EYS: variants seen among roughly 807,000 people sequenced by gnomAD.
EYS encodes protein eyes shut homolog.
A neutral mutation model predicts 282.1 loss-of-function variants in EYS; 250 were observed. The observed-to-expected ratio is 0.89, with a 90% CI of 0.80 to 0.98. The LOEUF is 0.98. Among genes scored for constraint, EYS ranks in the 50% least tolerant of loss-of-function variants. The pLI, the probability that EYS is intolerant of heterozygous loss-of-function variation, is 0.00. For synonymous variants in EYS, 1,355 were observed against 1,282.9 expected (o/e 1.06, Z -1.20); for missense variants, 4,016 against 3,709.0 (o/e 1.08, Z -2.15).
At chr6:64,569,768 C>A (rs563073156) in intron 26 of EYS, among the ~76,000 whole-genome samples, 6 of 151,992 alleles carry the variant, frequency 3.9e-5, no homozygotes, top group African/African-American at 1.4e-4. Context: ...AAGGAACAGA[C>A]AAAGCCTCCA....
chr6:64,838,040 A>G (rs1765441414), intron 19 of EYS, among the ~76,000 whole-genome samples: 1 of 134,646 alleles, frequency 7.4e-6, no homozygotes, highest in African/African-American at 2.8e-5. Flanking sequence ...TGTGCTTTAT[A>G]TATAACCAAT....
In EYS at chr6:65,490,624, A is replaced by G. The variant is rs773704807; in HGVS notation, c.832T>C (p.Phe278Leu). ...AATTGCTCATCACATTCACAAATGA[A>G]ACTATTTGAAGTAATATTGCTGCAG... ...GNCSNITSNSFICECDEQFSG... is the reference protein window; with the variant it reads ...GNCSNITSNSLICECDEQFSG... Residue 278 changes from phenylalanine to leucine, a missense_variant, in exon 5 of 43, where the codon TTC becomes CTC. By Grantham distance (22) the Phe-to-Leu change is conservative (BLOSUM62 0). Transcript: ENST00000503581. 13 of 1,611,360 alleles carry G rather than the reference A, an allele frequency of 8.1e-6. No homozygotes were observed. The Middle Eastern group carries it at 1.2e-3, about 143-fold the overall frequency.
chr6:65,616,019 T>A (rs1408784368), intron 2 of EYS, among the ~76,000 whole-genome samples: 1 of 151,780 alleles, frequency 6.6e-6, no homozygotes, highest in African/African-American at 2.4e-5. Flanking sequence ...GACACAAAAT[T>A]GTATCAAGAG....
At chr6:65,074,991 G>A (rs762068691) in intron 12 of EYS, among the ~76,000 whole-genome samples, 9 of 152,014 alleles carry the variant, frequency 5.9e-5, no homozygotes, top group Non-Finnish European at 8.8e-5. Flanking sequence ...AAAGTCACAT[G>A]ATGTAATACA....
At chr6:63,743,387 G>A (rs1769132628) in intron 41 of EYS, among the ~76,000 whole-genome samples, 1 of 152,160 alleles carries the variant, frequency 6.6e-6, no homozygotes, top group South Asian at 2.1e-4. Context: ...AGTTTGGCAG[G>A]TGTATCAGCT....
intron 12 of EYS, among the ~76,000 whole-genome samples, chr6:65,133,312 C>G (rs372474526): frequency 2.1e-4 from 32 of 151,744 alleles, no homozygotes; most frequent in African/African-American, 7.7e-4. Context: ...ACAAAAAACA[C>G]CAAACAAGCA....
chr6:64,064,381 G>A (rs1013958312), intron 33 of EYS, among the ~76,000 whole-genome samples: 1 of 152,150 alleles, frequency 6.6e-6, no homozygotes, highest in South Asian at 2.1e-4. Flanking sequence ...TTAAGACATC[G>A]AGAGCATGCT....
At chr6:64,400,918 T>C (rs2150436070) in intron 28 of EYS, among the ~76,000 whole-genome samples, 1 of 152,152 alleles carries the variant, frequency 6.6e-6, no homozygotes, top group Non-Finnish European at 1.5e-5. Context: ...CACTAACTAC[T>C]CTCCACTAAA....
chr6:65,271,128 T>TTATATATATATA (rs70999188), intron 12 of EYS, among the ~76,000 whole-genome samples: 1,846 of 55,732 alleles, frequency 0.033, 187 homozygotes, highest in Middle Eastern at 0.078. Flanking sequence ...AATCAATAGA[T>TTATATATATATA]TATATATATA....
chr6:64,880,917 T>C (rs572879913), intron 19 of EYS, among the ~76,000 whole-genome samples: 44 of 151,408 alleles, frequency 2.9e-4, no homozygotes, highest in African/African-American at 1.0e-3. Flanking sequence ...TGTGTGTGTA[T>C]AATATATAAA....
intron 12 of EYS, among the ~76,000 whole-genome samples, chr6:65,224,806 A>G (rs1399467321): frequency 3.9e-5 from 6 of 152,192 alleles, no homozygotes; most frequent in African/African-American, 1.4e-4. Context: ...AATAATTTAT[A>G]TAACCAAAAC....
chr6:64,520,865 A>T (rs1777713964), intron 26 of EYS, among the ~76,000 whole-genome samples: 1 of 151,758 alleles, frequency 6.6e-6, no homozygotes. Context: ...TTTGATCAGG[A>T]AAAGAGAAGC....
At chr6:65,479,903 C>T (rs1172059918) in intron 5 of EYS, among the ~76,000 whole-genome samples, 1 of 151,770 alleles carries the variant, frequency 6.6e-6, no homozygotes, top group South Asian at 2.1e-4. Context: ...CACCTGTAAT[C>T]CCAGCACTTG....
chr6:63,884,835 C>CTT (rs58381750), intron 35 of EYS, among the ~76,000 whole-genome samples: 2 of 148,934 alleles, frequency 1.3e-5, no homozygotes, highest in African/African-American at 4.9e-5. Context: ...CTTCAATACA[C>CTT]TTTTTTTTTT....
At chr6:63,800,242 C>T (rs1252294628) in intron 37 of EYS, among the ~76,000 whole-genome samples, 2 of 152,154 alleles carry the variant, frequency 1.3e-5, no homozygotes, top group Non-Finnish European at 2.9e-5. Flanking sequence ...TTGTGTGTGC[C>T]AGACATGGTT....
At chr6:64,336,948 A>G (rs1470757687) in intron 29 of EYS, among the ~76,000 whole-genome samples, 2 of 152,068 alleles carry the variant, frequency 1.3e-5, no homozygotes, top group Admixed American at 1.3e-4. Context: ...GACACAACCT[A>G]CCAAAACCTC....
chr6:64,697,643 C>T (rs1770628702), intron 22 of EYS, among the ~76,000 whole-genome samples: 1 of 152,074 alleles, frequency 6.6e-6, no homozygotes, highest in South Asian at 2.1e-4. Context: ...ATTAACAAAA[C>T]CAGTCTCAAT....
At chr6:65,356,896 T>C (rs1278954251) in intron 8 of EYS, among the ~76,000 whole-genome samples, 1 of 152,024 alleles carries the variant, frequency 6.6e-6, no homozygotes, top group African/African-American at 2.4e-5. Flanking sequence ...CATGTGAGGA[T>C]GCTGACACAC....
chr6:65,354,591 G>A (rs1049211810), intron 8 of EYS, among the ~76,000 whole-genome samples: 10 of 152,080 alleles, frequency 6.6e-5, no homozygotes, highest in Admixed American at 1.3e-4. Flanking sequence ...CAAGGCGGGC[G>A]GATTACCTGA....
Sources: gnomAD v4.1 joint callset for allele counts (sites outside exome capture counted in the v4.1 genomes callset) on GRCh38, gnomAD v4.1.1 for gene constraint, MANE v1.5 for transcripts, NCBI Gene and HGNC (gene_info 2026-07-23, HGNC 2026-07-21) for gene names.